Variants in ESR1 observed in about 807,000 individuals in gnomAD.
ESR1 encodes the protein estrogen receptor 1, also known as estrogen receptor.
Under a neutral mutation model 52.7 loss-of-function variants are expected in ESR1, and 12 were observed. The ratio of observed to expected loss-of-function variants is 0.23; its 90% confidence interval spans 0.15 to 0.37. The LOEUF (loss-of-function observed/expected upper bound fraction) is 0.37. Ranked by LOEUF, ESR1 falls within the 10% of genes least tolerant of loss-of-function variation. The pLI is 1.00. For synonymous variants in ESR1, 305 were observed against 316.8 expected (o/e 0.96, Z 0.39); for missense variants, 584 against 779.7 (o/e 0.75, Z 2.99).
In ESR1 at chr6:151,873,361, C is replaced by A. The variant is rs1057368543; in HGVS notation, c.644-7294C>A. On this transcript the variant is annotated intron_variant, in intron 2 of 7. Coordinates refer to ENST00000206249, the MANE Select transcript of ESR1 (RefSeq NM_000125.4). ...TTCCTAGGGGGTTAAATGAAACAAT[C>A]AATGTATAACACACTTCCTGGCATG... Among the ~76,000 whole-genome samples the A allele has an allele frequency of 1.1e-4, 16 of 152,126 alleles. 1 individual carries two copies. Among genetic ancestry groups the A allele is most frequent in the South Asian group, 2.1e-4 (1 of 4,824 alleles).
chr6:151,962,842 T>G (rs1220491007), intron 4 of ESR1, among the ~76,000 whole-genome samples: 2 of 152,236 alleles, frequency 1.3e-5, no homozygotes, highest in Admixed American at 6.5e-5. Flanking sequence ...CCAATTGTTC[T>G]AATGAGTTTT....
intron 3 of ESR1, among the ~76,000 whole-genome samples, chr6:151,938,196 A>G (rs138807937): frequency 4.9e-4 from 75 of 152,308 alleles, no homozygotes; most frequent in Middle Eastern, 3.4e-3. Flanking sequence ...AACTTTACTG[A>G]TATTATACTA....
At chr6:152,025,992 G>A (rs3020420) in intron 5 of ESR1, among the ~76,000 whole-genome samples, 66,756 of 151,702 alleles carry the variant, frequency 0.44, 16,624 homozygotes, top group African/African-American at 0.67. Flanking sequence ...TTAATAGACA[G>A]TTTAATTTCC....
At chr6:151,743,669 A>G (rs1783265894) in intron 2 of ESR1, among the ~76,000 whole-genome samples, 2 of 152,192 alleles carry the variant, frequency 1.3e-5, no homozygotes, top group South Asian at 4.1e-4. Flanking sequence ...TAACTTCTCA[A>G]TGGTGGCATC....
At chr6:151,814,746 A>G (rs1397778077) in intron 1 of ESR1, among the ~76,000 whole-genome samples, 2 of 152,230 alleles carry the variant, frequency 1.3e-5, no homozygotes, top group Non-Finnish European at 2.9e-5. Flanking sequence ...AAATTGAGTC[A>G]TTCATTGAGG....
In ESR1 at chr6:152,053,279, C is replaced by G. The variant is rs746281304; in HGVS notation, c.1236-7712C>G. ...ACCTTCTGACATTCAACATCTTGGT[C>G]GCTCCTATCCAGCCACACCTCTGAC... On this transcript the variant is annotated intron_variant, in intron 5 of 7. Transcript: ENST00000206249. The surrounding 1 kb of genome is among the most constrained non-coding windows in gnomAD (Gnocchi z 4.1). 6.6e-6 allele frequency among the ~76,000 whole-genome samples: 1 copy of G among 151,944 alleles called. No individual in the cohort carries two copies. The highest frequency in any genetic ancestry group is 2.4e-5 in the African/African-American group (1 of 41,364).
intron 3 of ESR1, among the ~76,000 whole-genome samples, chr6:151,941,429 G>A (rs1421251301): frequency 6.6e-6 from 1 of 152,136 alleles, no homozygotes; most frequent in Non-Finnish European, 1.5e-5. Context: ...ATACAAGTCA[G>A]AACTTATCTT....
At chr6:151,930,869 C>T (rs113934025) in intron 3 of ESR1, among the ~76,000 whole-genome samples, 78 of 152,044 alleles carry the variant, frequency 5.1e-4, no homozygotes, top group African/African-American at 1.6e-3. Flanking sequence ...TATTAATGTA[C>T]GGTTTCTGAA....
At position 151,982,192 on chromosome 6, in the gene ESR1, C is replaced by T. The variant is rs147125352; in HGVS notation, c.1097-29464C>T. 3.6e-4 allele frequency among the ~76,000 whole-genome samples: 55 copies of T among 152,288 alleles called. No individual in the cohort carries two copies. The East Asian group carries it at 7.2e-3, about 20-fold the overall frequency. ...TAATGGGCAGGCTGACACACCTAAA[C>T]GCCAGGGAAAAAGAGGGATGAGACC... is the stretch of plus-strand genomic sequence containing the variant. On this transcript the variant is annotated intron_variant, in intron 4 of 7. Coordinates refer to ENST00000206249, the MANE Select transcript of ESR1 (RefSeq NM_000125.4).
intron 5 of ESR1, among the ~76,000 whole-genome samples, chr6:152,042,053 A>C (rs1269985367): frequency 6.6e-6 from 1 of 152,202 alleles, no homozygotes; most frequent in Non-Finnish European, 1.5e-5. Context: ...TGTGGTGGGA[A>C]TCGCCACCCC....
chr6:151,950,593 A>G (rs1476249821), intron 4 of ESR1, among the ~76,000 whole-genome samples: 1 of 152,178 alleles, frequency 6.6e-6, no homozygotes, highest in Non-Finnish European at 1.5e-5. Flanking sequence ...GGAAATTTAG[A>G]CATAGAAACA....
intron 2 of ESR1, among the ~76,000 whole-genome samples, chr6:151,848,158 A>C (rs1785500061): frequency 9.8e-6 from 1 of 102,260 alleles, no homozygotes; most frequent in Non-Finnish European, 2.0e-5. Flanking sequence ...ATAAAAAATG[A>C]TGAGTTCATG....
intron 2 of ESR1, among the ~76,000 whole-genome samples, chr6:151,724,560 A>G (rs890529792): frequency 6.7e-6 from 1 of 150,012 alleles, no homozygotes; most frequent in Non-Finnish European, 1.5e-5. Flanking sequence ...ACACCTAGTC[A>G]CACACCCAAA....
chr6:151,897,913 G>A (rs1795803222), intron 3 of ESR1, among the ~76,000 whole-genome samples: 1 of 152,118 alleles, frequency 6.6e-6, no homozygotes, highest in African/African-American at 2.4e-5. Flanking sequence ...TCTTAGCGTT[G>A]TTTTTATCTG....
In ESR1 at chr6:152,009,375, T is replaced by C. The variant is rs150227362; in HGVS notation, c.1097-2281T>C. 3.6e-4 allele frequency among the ~76,000 whole-genome samples: 55 copies of C among 152,222 alleles called. No individual in the cohort carries two copies. The East Asian group carries it at 9.3e-3, about 26-fold the overall frequency. ...TTGATGGAATCATGCATCTTGTGCC[T>C]ACAGTGAGTATATGGTCTAGCAGGA... On this transcript the variant is annotated intron_variant, in intron 4 of 7. Coordinates refer to ENST00000206249, the MANE Select transcript of ESR1 (RefSeq NM_000125.4).
At position 152,082,004 on chromosome 6, in the gene ESR1, T is replaced by G. The variant is rs151141187; in HGVS notation, c.1370-12381T>G. On this transcript the variant is annotated intron_variant, in intron 6 of 7. Transcript: ENST00000206249. ...CCAACCAAAAATGTCCAGGACCAGA[T>G]GGATTCACAGTTGAATTCTACCAGA... Among the ~76,000 whole-genome samples, 1,126 of 152,256 alleles carry G rather than the reference T, an allele frequency of 7.4e-3. 15 individuals are homozygous for G. The highest frequency in any genetic ancestry group is 0.026 in the African/African-American group (1,067 of 41,526).
intron 7 of ESR1, chr6:152,096,836 A>C: frequency 3.1e-6 from 1 of 323,376 alleles, no homozygotes; most frequent in South Asian, 2.7e-5. Context: ...GAATAACCTT[A>C]CCCTGGAGGA....
intron 2 of ESR1, among the ~76,000 whole-genome samples, chr6:151,735,858 G>A (rs1782611250): frequency 6.6e-6 from 1 of 152,104 alleles, no homozygotes; most frequent in Non-Finnish European, 1.5e-5. Context: ...ATCATGGGGG[G>A]CAATTCCCCC....
chr6:151,740,285 A>ATTTTTTTT (rs386408967), intron 2 of ESR1, among the ~76,000 whole-genome samples: 53 of 108,000 alleles, frequency 4.9e-4, no homozygotes, highest in African/African-American at 7.9e-4. Context: ...TGCCTGGCTA[A>ATTTTTTTT]TTTTTTTTTT....
Sources: gnomAD v4.1 joint callset for allele counts (sites outside exome capture counted in the v4.1 genomes callset) on GRCh38, gnomAD v4.1.1 for gene constraint, Gnocchi (gnomAD v3.1) non-coding constraint, MANE v1.5 for transcripts, NCBI Gene and HGNC (gene_info 2026-07-23, HGNC 2026-07-21) for gene names.